MBD1: variants seen among roughly 807,000 people sequenced by gnomAD.
MBD1 encodes the protein methyl-CpG binding domain protein 1.
Under a neutral mutation model 82.6 loss-of-function variants are expected in MBD1, and 25 were observed. The observed-to-expected ratio is 0.30, with a 90% CI of 0.22 to 0.42. MBD1 has a LOEUF of 0.42. Ranked by LOEUF, MBD1 falls within the 10% of genes least tolerant of loss-of-function variation. MBD1 has a pLI of 1.00. For missense variants in MBD1, 627 were observed against 819.6 expected (o/e 0.76, Z 2.87); for synonymous variants, 301 against 303.7 (o/e 0.99, Z 0.09).
chr18:50,270,002 C>G (rs746035318), intron 16 of MBD1, 184 bp from the exon 17 acceptor site: 3 of 1,597,052 alleles, frequency 1.9e-6, no homozygotes, highest in Non-Finnish European at 2.5e-6. Flanking sequence ...AGAAGCTTAA[C>G]TCATGAGTCT....
intron 15 of MBD1, among the ~76,000 whole-genome samples, chr18:50,271,773 C>T (rs1599255576): frequency 1.3e-5 from 2 of 152,260 alleles, no homozygotes; most frequent in East Asian, 1.9e-4. Flanking sequence ...CTTTGCAGGG[C>T]TCATTGTCCT....
At chr18:50,271,916 C>T (rs771052166) in intron 15 of MBD1, among the ~76,000 whole-genome samples, 8 of 152,166 alleles carry the variant, frequency 5.3e-5, no homozygotes, top group East Asian at 1.9e-4. Flanking sequence ...TAGTTTACAT[C>T]GCCAGTGTCT....
At chr18:50,280,536 C>T (rs118081604) in intron 1 of MBD1, among the ~76,000 whole-genome samples, 149 of 151,964 alleles carry the variant, frequency 9.8e-4, no homozygotes, top group Non-Finnish European at 1.6e-3. Flanking sequence ...TTAACCACTC[C>T]ATTCCTTCTC....
At position 50,269,590 on chromosome 18, in the gene MBD1, A is replaced by G; in HGVS notation, c.*261T>C. ...CAGCTGCTCCACCTTCCCCAGGATC[A>G]TCCTTTCAGCTTCTCTAATTCCTGG... On this transcript the variant is annotated 3_prime_UTR_variant, in exon 17 of 17. Coordinates refer to ENST00000269468, the MANE Select transcript of MBD1 (RefSeq NM_015846.4). 1.4e-6 allele frequency: 1 copy of G among 718,962 alleles called. No individual in the cohort carries two copies. The highest frequency in any genetic ancestry group is 1.5e-5 in the South Asian group (1 of 67,670). 44.5% of individuals were successfully genotyped at this position (718,962 alleles called of 1,614,324 possible). A position where few individuals can be genotyped will look rare whatever the true frequency, so the allele number is the denominator to read the frequency against.
chr18:50,278,166 C>T (rs572164697), intron 2 of MBD1, among the ~76,000 whole-genome samples: 77 of 152,316 alleles, frequency 5.1e-4, no homozygotes, highest in African/African-American at 1.9e-3. Context: ...GATGATTCAC[C>T]TCTTGAGCAG....
chr18:50,272,972 A>C lies in MBD1; in HGVS notation c.1585-17T>G, dbSNP rs2036235268. 1 of 1,613,894 alleles carries C rather than the reference A, an allele frequency of 6.2e-7. No homozygotes were observed. Among genetic ancestry groups the C allele is most frequent in the African/African-American group, 1.3e-5 (1 of 74,908 alleles). ...GTCTACTGCCTGGGAGAAGTAGGAA[A>C]CAGGCAACCATTAGAAGGGCAGAGT... On this transcript the variant is annotated splice_polypyrimidine_tract_variant and intron_variant, in intron 13 of 16. Coordinates refer to ENST00000269468, the MANE Select transcript of MBD1 (RefSeq NM_015846.4).
intron 16 of MBD1, chr18:50,270,128 G>T: frequency 6.3e-7 from 1 of 1,598,374 alleles, no homozygotes; most frequent in Non-Finnish European, 8.5e-7. Context: ...GTCTTGACTA[G>T]GGCTGAACTA....
intron 11 of MBD1, 48 bp from the exon 12 acceptor site, chr18:50,273,911 C>A: frequency 6.3e-7 from 1 of 1,599,914 alleles, no homozygotes; most frequent in Non-Finnish European, 8.5e-7. Context: ...CCTGACCAAT[C>A]ACATCCACCC....
At chr18:50,270,258 T>C (rs1026872307) in intron 16 of MBD1, 1 of 1,120,864 alleles carries the variant, frequency 8.9e-7, no homozygotes, top group African/African-American at 1.5e-5. Flanking sequence ...GGGACTAGGG[T>C]AAGGCAAGGG....
chr18:50,268,981 CTA>C lies in MBD1; in HGVS notation c.*868_*869del. 1 of 983,600 alleles carries C rather than the reference CTA, an allele frequency of 1.0e-6. No individual in the cohort carries two copies. Among genetic ancestry groups the C allele is most frequent in the Non-Finnish European group, 1.2e-6 (1 of 828,238 alleles). 60.9% of individuals were successfully genotyped at this position (983,600 alleles called of 1,614,324 possible). A position where few individuals can be genotyped will look rare whatever the true frequency, so the allele number is the denominator to read the frequency against. On this transcript the variant is annotated 3_prime_UTR_variant, in exon 17 of 17. Coordinates refer to ENST00000269468, the MANE Select transcript of MBD1 (RefSeq NM_015846.4). ...TGTCCTCCCAACAATTTTCTGAATT[CTA>C]TATATTCAGCATTAAATTCCATGAT...
At chr18:50,273,307 C>T in intron 13 of MBD1, 27 bp downstream of exon 13, 1 of 1,613,562 alleles carries the variant, frequency 6.2e-7, no homozygotes, top group South Asian at 1.1e-5. Context: ...GCTACGGCAC[C>T]AACAGAACAT....
Position 50,281,451 on chromosome 18 carries a change from T to G in MBD1, c.-114A>C. The G allele has an allele frequency of 1.7e-6, 1 of 589,550 alleles. No homozygotes were observed. Among genetic ancestry groups the G allele is most frequent in the Admixed American group, 3.0e-5 (1 of 32,956 alleles). 36.5% of individuals were successfully genotyped at this position (589,550 alleles called of 1,614,324 possible). On this transcript the variant is annotated 5_prime_UTR_variant, in exon 1 of 17. Transcript: ENST00000269468. Reference sequence around the variant, plus strand: ...TCCTGCACCTCCCGCCTCGCCCTCCTCCCCTTCCTCCTCCTCCGCGGCCGC... The same window carrying G: ...TCCTGCACCTCCCGCCTCGCCCTCCGCCCCTTCCTCCTCCTCCGCGGCCGC...
rs145486742 is a variant in MBD1 at position 50,273,361 on chromosome 18, G to A, written c.1557C>T (p.Pro519=). 131 of 1,614,136 alleles carry A rather than the reference G, an allele frequency of 8.1e-5. No individual in the cohort carries two copies. The East Asian group carries it at 2.3e-3, about 29-fold the overall frequency. Residue 519 remains proline, a synonymous_variant, in exon 13 of 17, where the codon CCC becomes CCT. Coordinates refer to ENST00000269468, the MANE Select transcript of MBD1 (RefSeq NM_015846.4). Reference sequence around the variant, plus strand: ...TGCTAGGGCAGCCAGGCACCAATACGGGAGAAGTCAGGACAGCTGTGCCTG... The same window carrying A: ...TGCTAGGGCAGCCAGGCACCAATACAGGAGAAGTCAGGACAGCTGTGCCTG... ...WTPGTAVLTS[P]VLVPGCPSKA... is the part of the protein sequence containing the mutation.
In MBD1 at chr18:50,273,794, G is replaced by C; in HGVS notation, c.1216C>G (p.Arg406Gly). ...CGTCGGGCAGAGCTGGGCCTCTTTC[G>C]ACGACGGTAAGGTGGGGGCGATCCT... ...GAGSPPPYRR[R>G]KRPSSARRHH... The change falls in exon 12 of 17, where the codon CGA becomes GGA. Residue 406 changes from arginine (R) to glycine (G), a missense_variant. Transcript: ENST00000269468. The C allele has an allele frequency of 6.2e-7, 1 of 1,613,948 alleles. No homozygotes were observed. The highest frequency in any genetic ancestry group is 1.1e-5 in the South Asian group (1 of 91,088).
At chr18:50,271,175 T>C in intron 16 of MBD1, 2 of 1,240,496 alleles carry the variant, frequency 1.6e-6, no homozygotes, top group Non-Finnish European at 2.0e-6. Flanking sequence ...TTAGGTTGTT[T>C]TGTGGTGGCT....
At chr18:50,271,646 CTTAA>C (rs1299724549) in intron 15 of MBD1, 106 bp from the exon 16 acceptor site, 7 of 1,155,268 alleles carry the variant, frequency 6.1e-6, no homozygotes, top group Non-Finnish European at 9.1e-6. Context: ...TCCACTTCCC[CTTAA>C]TTATCCTTTA....
chr18:50,272,924 T>C lies in MBD1; in HGVS notation c.1616A>G (p.Gln539Arg). The change falls in exon 14 of 17, where the codon CAA becomes CGA. Residue 539 changes from glutamine to arginine, a missense_variant. Gln to Arg is a conservative substitution (Grantham distance 43). Around this residue, in one of 6 missense-constraint regions of MBD1, gnomAD observed 265 missense variants for 278.4 expected, o/e 0.95. Coordinates refer to ENST00000269468, the MANE Select transcript of MBD1 (RefSeq NM_015846.4). ...AVDPGLPSVK[Q>R]EPPDPEEDKE... ...GTCCTCCTCTGGGTCAGGTGGCTCTTGCTTCACAGAAGGCAGGCCTGGGTC... is the reference window on the plus strand; with the variant it reads ...GTCCTCCTCTGGGTCAGGTGGCTCTCGCTTCACAGAAGGCAGGCCTGGGTC... 6.2e-7 allele frequency: 1 copy of C among 1,614,210 alleles called. No homozygotes were observed. The highest frequency in any genetic ancestry group is 8.5e-7 in the Non-Finnish European group (1 of 1,180,030).
chr18:50,268,060 AAAAC>A (rs1317206433), downstream of MBD1, among the ~76,000 whole-genome samples: 6 of 152,248 alleles, frequency 3.9e-5, no homozygotes, highest in South Asian at 2.1e-4. Flanking sequence ...CCTGAAACAG[AAAAC>A]AAACAAATTA....
downstream of MBD1, chr18:50,267,546 G>T: frequency 7.6e-7 from 1 of 1,307,578 alleles, no homozygotes; most frequent in Non-Finnish European, 1.1e-6. Context: ...TCCAGTAACT[G>T]GTTTCTGAGA....
Sources: gnomAD v4.1 joint callset for allele counts (sites outside exome capture counted in the v4.1 genomes callset) on GRCh38, gnomAD v4.1.1 for gene constraint, gnomAD v4.1.1 regional missense constraint, MANE v1.5 for transcripts, NCBI Gene and HGNC (gene_info 2026-07-23, HGNC 2026-07-21) for gene names.